COLEC12: variants seen among roughly 807,000 people sequenced by gnomAD.
The protein encoded by COLEC12 is collectin subfamily member 12.
A neutral mutation model predicts 71.1 loss-of-function variants in COLEC12; 33 were observed. The ratio of observed to expected loss-of-function variants is 0.46; its 90% CI spans 0.35 to 0.62. The LOEUF (loss-of-function observed/expected upper bound fraction) is 0.62. Among genes scored for constraint, COLEC12 ranks in the 20% least tolerant of loss-of-function variants. The pLI is 0.00. For missense variants in COLEC12, 765 were observed against 916.1 expected, an observed-to-expected ratio of 0.84 and a Z score of 2.13; for synonymous variants, 350 against 353.0, an observed-to-expected ratio of 0.99 and a Z score of 0.10.
chr18:322,193 T>TACAC (rs34440882), intron 8 of COLEC12, among the ~76,000 whole-genome samples: 36,990 of 149,640 alleles, frequency 0.25, 4,660 homozygotes, highest in Middle Eastern at 0.27. Flanking sequence ...GAGGACATGA[T>TACAC]ACACACACAC....
chr18:392,868 T>C (rs537022578), intron 2 of COLEC12, among the ~76,000 whole-genome samples: 48 of 152,388 alleles, frequency 3.1e-4, no homozygotes, highest in Middle Eastern at 3.4e-3. Flanking sequence ...TAAACATCTT[T>C]GGAAAAGATT....
At chr18:401,572 C>T (rs934724240) in intron 2 of COLEC12, among the ~76,000 whole-genome samples, 2 of 152,208 alleles carry the variant, frequency 1.3e-5, no homozygotes, top group African/African-American at 4.8e-5. Context: ...TAGTGCTCAG[C>T]GACTGCCTCG....
chr18:416,253 A>C (rs1274098658), intron 2 of COLEC12, among the ~76,000 whole-genome samples: 1 of 152,204 alleles, frequency 6.6e-6, no homozygotes, highest in Admixed American at 6.5e-5. Flanking sequence ...AAAAGAAAAA[A>C]CAAGCTGAAA....
intron 2 of COLEC12, among the ~76,000 whole-genome samples, chr18:448,436 T>C (rs1916695537): frequency 6.6e-6 from 1 of 152,156 alleles, no homozygotes; most frequent in Non-Finnish European, 1.5e-5. Flanking sequence ...CCTCAATGGG[T>C]ATGTGGTGAA....
chr18:364,526 T>C, intron 2 of COLEC12, among the ~76,000 whole-genome samples: 1 of 152,172 alleles, frequency 6.6e-6, no homozygotes, highest in East Asian at 1.9e-4. Flanking sequence ...GAGTGAACTG[T>C]CAACATTTCA....
At chr18:494,898 A>G (rs1917681862) in intron 1 of COLEC12, among the ~76,000 whole-genome samples, 1 of 152,206 alleles carries the variant, frequency 6.6e-6, no homozygotes, top group African/African-American at 2.4e-5. Context: ...GGAAGCATAA[A>G]GGAGTCATGT....
intron 2 of COLEC12, among the ~76,000 whole-genome samples, chr18:444,779 T>C (rs539098774): frequency 1.3e-5 from 2 of 152,248 alleles, no homozygotes; most frequent in African/African-American, 4.8e-5. Flanking sequence ...GATATTTCCA[T>C]ATTATCTTAA....
chr18:494,181 C>T (rs564389750), intron 1 of COLEC12, among the ~76,000 whole-genome samples: 6 of 152,276 alleles, frequency 3.9e-5, no homozygotes, highest in African/African-American at 9.6e-5. Flanking sequence ...TACTTCCCCA[C>T]GTGGAGCACA....
chr18:447,199 C>T (rs940220490), intron 2 of COLEC12, among the ~76,000 whole-genome samples: 5 of 152,206 alleles, frequency 3.3e-5, no homozygotes, highest in African/African-American at 7.2e-5. Context: ...TGTTAACCAA[C>T]AAAAATAGTA....
At chr18:360,237 C>A (rs1914715628) in intron 2 of COLEC12, among the ~76,000 whole-genome samples, 1 of 149,992 alleles carries the variant, frequency 6.7e-6, no homozygotes. Flanking sequence ...GGCTGGAGTG[C>A]AGTGGCACGA....
intron 2 of COLEC12, among the ~76,000 whole-genome samples, chr18:473,612 C>G (rs947274639): frequency 2.0e-5 from 3 of 152,244 alleles, no homozygotes; most frequent in Non-Finnish European, 4.4e-5. Context: ...ATCCACCCGC[C>G]TCGGCCTCCC....
intron 2 of COLEC12, among the ~76,000 whole-genome samples, chr18:441,020 G>A (rs955644662): frequency 5.9e-5 from 9 of 151,388 alleles, no homozygotes; most frequent in Non-Finnish European, 7.4e-5. Flanking sequence ...AGGCCGAGGC[G>A]GGTGGATCAC....
chr18:369,761 C>T (rs1914960380), intron 2 of COLEC12, among the ~76,000 whole-genome samples: 2 of 152,014 alleles, frequency 1.3e-5, no homozygotes, highest in Admixed American at 1.3e-4. Flanking sequence ...AATTTCACCC[C>T]ACGGATACAG....
chr18:397,394 T>C (rs563196027), intron 2 of COLEC12, among the ~76,000 whole-genome samples: 2 of 152,350 alleles, frequency 1.3e-5, no homozygotes, highest in South Asian at 2.1e-4. Context: ...TACTTAATAG[T>C]CCAAGGCGCA....
At chr18:497,819 G>C (rs377749265) in intron 1 of COLEC12, among the ~76,000 whole-genome samples, 1 of 152,154 alleles carries the variant, frequency 6.6e-6, no homozygotes, top group Admixed American at 6.5e-5. Context: ...TCAGGAACCC[G>C]GGGAAAATCT....
chr18:373,599 C>T (rs150228375), intron 2 of COLEC12, among the ~76,000 whole-genome samples: 45 of 152,290 alleles, frequency 3.0e-4, no homozygotes, highest in African/African-American at 1.0e-3. Flanking sequence ...TGGGATCAGT[C>T]ATTCCTAACA....
Position 347,188 on chromosome 18 carries a change from G to C in COLEC12, c.434C>G (p.Ala145Gly). The C allele has an allele frequency of 1.2e-6, 2 of 1,614,144 alleles. No individual in the cohort carries two copies. Among genetic ancestry groups the C allele is most frequent in the Non-Finnish European group, 1.7e-6 (2 of 1,180,040 alleles). ...TLEKLQASGD[A>G]LVDRQSQLKE... ...CAATTGACTCTGCCTGTCCACCAGA[G>C]CATCCCCGCTCGCCTGTAACTTCTC... The change falls in exon 5 of 10, where the codon GCT becomes GGT. Residue 145 changes from alanine to glycine, a missense_variant. Coordinates refer to ENST00000400256, the MANE Select transcript of COLEC12 (RefSeq NM_130386.3).
Position 453,941 on chromosome 18 carries a change from C to T in COLEC12, c.58+26766G>A, listed in dbSNP as rs137963637. Among the ~76,000 whole-genome samples the T allele has an allele frequency of 1.2e-3, 187 of 152,336 alleles. 1 individual carries two copies. The highest frequency in any genetic ancestry group is 4.3e-3 in the African/African-American group (180 of 41,584). ...ACATACATCCCAAATCTTATCACTTCTCAGCATCTCCAGGACCAGTGTTCT... is the reference window on the plus strand; with the variant it reads ...ACATACATCCCAAATCTTATCACTTTTCAGCATCTCCAGGACCAGTGTTCT... On this transcript the variant is annotated intron_variant, in intron 2 of 9. Transcript: ENST00000400256.
chr18:476,249 G>A (rs949178919), intron 2 of COLEC12, among the ~76,000 whole-genome samples: 3 of 152,208 alleles, frequency 2.0e-5, no homozygotes, highest in Non-Finnish European at 4.4e-5. Context: ...ACTCCATAGA[G>A]AATGCTTCCT....
Sources: allele counts gnomAD v4.1 joint callset (sites outside exome capture counted in the v4.1 genomes callset), GRCh38; gene constraint gnomAD v4.1.1; transcripts MANE v1.5; gene names NCBI Gene and HGNC (gene_info 2026-07-23, HGNC 2026-07-21).